SCPEP1: variants seen among roughly 807,000 people sequenced by gnomAD.
SCPEP1 encodes the protein retinoid-inducible serine carboxypeptidase.
A neutral mutation model predicts 63.8 loss-of-function variants in SCPEP1; 51 were observed. The observed-to-expected ratio is 0.80, with a 90% CI of 0.64 to 1.01. The LOEUF is 1.01. SCPEP1 is among the 50% of genes least tolerant of loss of function. The pLI, the probability that SCPEP1 is intolerant of heterozygous loss-of-function variation, is 0.00. For synonymous variants in SCPEP1, 204 were observed against 207.8 expected (o/e 0.98, Z 0.16); for missense variants, 499 against 554.9 (o/e 0.90, Z 1.01).
intron 3 of SCPEP1, chr17:56,987,467 C>CTTT: frequency 3.7e-6 from 1 of 273,162 alleles, no homozygotes; most frequent in Non-Finnish European, 6.7e-6. Flanking sequence ...CTGCCTCTCC[C>CTTT]TTTTTTTTTT....
chr17:56,989,684 T>C (rs1429950146), intron 5 of SCPEP1, among the ~76,000 whole-genome samples: 3 of 152,130 alleles, frequency 2.0e-5, no homozygotes, highest in Admixed American at 2.0e-4. Flanking sequence ...CGGTGGCTCA[T>C]GCCTGTAATC....
intron 12 of SCPEP1, among the ~76,000 whole-genome samples, chr17:57,004,118 G>C (rs1242237791): frequency 6.6e-6 from 1 of 152,202 alleles, no homozygotes; most frequent in East Asian, 1.9e-4. Context: ...AGAATCGCTT[G>C]AACCTGGGAG....
intron 10 of SCPEP1, among the ~76,000 whole-genome samples, chr17:56,999,457 TAA>T (rs978973313): frequency 6.6e-6 from 1 of 152,126 alleles, no homozygotes; most frequent in African/African-American, 2.4e-5. Context: ...ACTCCAAACC[TAA>T]GAGGGTTTTG....
rs759417208 is a variant in SCPEP1 at position 56,978,143 on chromosome 17, G to T, written c.-17G>T. The T allele has an allele frequency of 2.3e-6, 3 of 1,284,250 alleles. No homozygotes were observed. In the African/African-American group the frequency reaches 4.5e-5, roughly 19 times the overall value. The allele number at this position is 1,284,250 out of a possible 1,614,324, so 79.6% of individuals were successfully genotyped here. A position where few individuals can be genotyped will look rare whatever the true frequency, so the allele number is the denominator to read the frequency against. ...CCGGGTCCAGCCTGTTGCTGATGCT[G>T]CCGTGCGGTACTTGTCATGGAGCTG... On this transcript the variant is annotated 5_prime_UTR_variant, in exon 1 of 13. Coordinates refer to ENST00000262288, the MANE Select transcript of SCPEP1 (RefSeq NM_021626.3).
chr17:56,998,578 AG>A, intron 10 of SCPEP1, 80 bp downstream of exon 10: 2 of 1,087,788 alleles, frequency 1.8e-6, no homozygotes, highest in Non-Finnish European at 2.8e-6. Flanking sequence ...CTGAATTTGT[AG>A]GGTGGGTTTT....
At chr17:56,980,066 C>G (rs1463454851) in intron 1 of SCPEP1, among the ~76,000 whole-genome samples, 1 of 152,076 alleles carries the variant, frequency 6.6e-6, no homozygotes, top group African/African-American at 2.4e-5. Context: ...TTCTCAGCCC[C>G]ACTAATTTGT....
At position 56,994,993 on chromosome 17, in the gene SCPEP1, C is replaced by T. The variant is rs1199892899; in HGVS notation, c.632C>T (p.Ser211Phe). 3 of 1,613,556 alleles carry T rather than the reference C, an allele frequency of 1.9e-6. No homozygotes were observed. Among genetic ancestry groups the T allele is most frequent in the Non-Finnish European group, 2.5e-6 (3 of 1,179,506 alleles). The change falls in exon 7 of 13, where the codon TCC becomes TTC. Residue 211 changes from serine to phenylalanine, a missense_variant. Transcript: ENST00000262288. Reference sequence around the variant, plus strand: ...TGATTTCCTTTAGATTCGGTGCTCTCCTGGGGACCTTACCTGTACAGCATG... The same window carrying T: ...TGATTTCCTTTAGATTCGGTGCTCTTCTGGGGACCTTACCTGTACAGCATG... Reference protein sequence around the residue: ...SWISPVDSVLSWGPYLYSMSL... With the variant: ...SWISPVDSVLFWGPYLYSMSL...
At chr17:56,981,675 A>G (rs1911072971) in intron 2 of SCPEP1, among the ~76,000 whole-genome samples, 1 of 152,170 alleles carries the variant, frequency 6.6e-6, no homozygotes, top group Non-Finnish European at 1.5e-5. Context: ...TACAAAAATT[A>G]TCCAGGCATG....
In SCPEP1 at chr17:57,006,187, A is replaced by G. The variant is rs1282024881; in HGVS notation, c.1311A>G (p.Gln437=). Residue 437 remains glutamine (Q), a synonymous_variant, in exon 13 of 13, where the codon CAA becomes CAG. Coordinates refer to ENST00000262288, the MANE Select transcript of SCPEP1 (RefSeq NM_021626.3). ...LKAGHMVPSD[Q]GDMALKMMRL... The stretch of plus-strand genomic sequence containing the variant: ...TTTTTTTCTAGGTTCCTTCTGACCA[A>G]GGGGACATGGCTCTGAAGATGATGA... 33 of 1,611,222 alleles carry G rather than the reference A, an allele frequency of 2.0e-5. No individual in the cohort carries two copies. The highest frequency in any genetic ancestry group is 2.7e-5 in the Non-Finnish European group (32 of 1,178,818).
chr17:56,989,104 C>T (rs762901186), intron 5 of SCPEP1, among the ~76,000 whole-genome samples: 1 of 151,958 alleles, frequency 6.6e-6, no homozygotes, highest in African/African-American at 2.4e-5. Context: ...GTGGGAGGAT[C>T]GCTTGAGCTC....
chr17:56,997,115 G>C (rs936676839), intron 9 of SCPEP1, 60 bp downstream of exon 9: 1 of 925,340 alleles, frequency 1.1e-6, no homozygotes, highest in Non-Finnish European at 1.6e-6. Context: ...AAAGAAACCT[G>C]TTTATTAAAA....
At chr17:56,995,479 G>A (rs370858838) in intron 7 of SCPEP1, 28 bp from the exon 8 acceptor site, 1 of 1,604,386 alleles carries the variant, frequency 6.2e-7, no homozygotes, top group Non-Finnish European at 8.5e-7. Context: ...AGTAAAGTGG[G>A]TCTTTTTGCT....
intron 6 of SCPEP1, among the ~76,000 whole-genome samples, chr17:56,992,857 T>A (rs1277175072): frequency 6.6e-6 from 1 of 152,236 alleles, no homozygotes; most frequent in African/African-American, 2.4e-5. Flanking sequence ...ACGTTTCGCT[T>A]CCTGGCTTTG....
At position 56,994,978 on chromosome 17, in the gene SCPEP1, T is replaced by C. The variant is rs745353594; in HGVS notation, c.620-3T>C. The C allele has an allele frequency of 3.1e-6, 5 of 1,612,778 alleles. No individual in the cohort carries two copies. Among genetic ancestry groups the C allele is most frequent in the Non-Finnish European group, 3.4e-6 (4 of 1,178,884 alleles). ...TGATTTGTACATATGTGATTTCCTT[T>C]AGATTCGGTGCTCTCCTGGGGACCT... is the stretch of plus-strand genomic sequence containing the variant. On this transcript the variant is annotated splice_region_variant and splice_polypyrimidine_tract_variant and intron_variant, in intron 6 of 12. Transcript: ENST00000262288.
rs752120754 is a variant in SCPEP1, at chr17:57,002,072, A to G, written c.1187A>G (p.Gln396Arg). The stretch of plus-strand genomic sequence containing the variant: ...TGGCCAGAACTGCCTAAATTCAGTC[A>G]GCTGAAGTGGAAGGCCCTGTACAGT... The part of the protein sequence containing the change: ...LKWPELPKFS[Q>R]LKWKALYSDP... The change falls in exon 12 of 13, where the codon CAG (glutamine) becomes CGG (arginine). Residue 396 changes from glutamine (Q) to arginine (R), a missense_variant. Coordinates refer to ENST00000262288, the MANE Select transcript of SCPEP1 (RefSeq NM_021626.3). 2 of 1,614,260 alleles carry G rather than the reference A, an allele frequency of 1.2e-6. No homozygotes were observed. Among genetic ancestry groups the G allele is most frequent in the South Asian group, 1.1e-5 (1 of 91,090 alleles).
At chr17:57,000,343 G>A (rs1337888322) in intron 10 of SCPEP1, among the ~76,000 whole-genome samples, 1 of 152,138 alleles carries the variant, frequency 6.6e-6, no homozygotes, top group Admixed American at 6.5e-5. Flanking sequence ...GCTAGCAAGA[G>A]TACTAGCTCC....
chr17:56,986,526 GTCTT>G (rs1348148288), intron 3 of SCPEP1, among the ~76,000 whole-genome samples: 2 of 144,778 alleles, frequency 1.4e-5, no homozygotes, highest in African/African-American at 5.2e-5. Flanking sequence ...CCACTTTCTG[GTCTT>G]TCTTTGTTTT....
intron 12 of SCPEP1, among the ~76,000 whole-genome samples, chr17:57,004,345 C>CT (rs917862085): frequency 3.3e-5 from 5 of 152,144 alleles, no homozygotes; most frequent in African/African-American, 1.2e-4. Flanking sequence ...GAGTGAGACT[C>CT]TGTCTCAAAA....
intron 4 of SCPEP1, 67 bp from the exon 5 acceptor site, chr17:56,988,149 A>G (rs1911279714): frequency 2.3e-6 from 3 of 1,296,704 alleles, no homozygotes; most frequent in Non-Finnish European, 3.3e-6. Flanking sequence ...TAGAAATTTG[A>G]AATTAATTTG....
Sources: gnomAD v4.1 joint callset for allele counts (sites outside exome capture counted in the v4.1 genomes callset) on GRCh38, gnomAD v4.1.1 for gene constraint, MANE v1.5 for transcripts, NCBI Gene and HGNC (gene_info 2026-07-23, HGNC 2026-07-21) for gene names.